Variants in NRP1 observed in about 807,000 individuals in gnomAD.
NRP1 encodes neuropilin 1, also known as neuropilin-1.
A neutral mutation model predicts 106.7 loss-of-function variants in NRP1; 35 were observed. That is an observed-to-expected ratio of 0.33 (90% CI 0.25 to 0.43). The LOEUF (loss-of-function observed/expected upper bound fraction) is 0.43, where lower values mean the gene tolerates loss of function less well. Ranked by LOEUF, NRP1 falls within the 20% of genes least tolerant of loss-of-function variation. The pLI is 1.00. For synonymous variants in NRP1, 437 were observed against 417.9 expected (o/e 1.05, Z -0.56); for missense variants, 1,024 against 1,170.4 (o/e 0.87, Z 1.83).
chr10:33,247,872 C>T lies in NRP1; in HGVS notation c.981+6156G>A, dbSNP rs142218641. ...ATTTCTCACAAGTTATATCTTTCTCCGGAGTCAGGACTTTGGTGAACCATT... is the reference window on the plus strand; with the variant it reads ...ATTTCTCACAAGTTATATCTTTCTCTGGAGTCAGGACTTTGGTGAACCATT... On this transcript the variant is annotated intron_variant, in intron 6 of 16. Coordinates refer to ENST00000374867, the MANE Select transcript of NRP1 (RefSeq NM_003873.7). Among the ~76,000 whole-genome samples, 835 of 152,308 alleles carry T rather than the reference C, an allele frequency of 5.5e-3. 7 individuals are homozygous for T. The highest frequency in any genetic ancestry group is 0.019 in the African/African-American group (792 of 41,560).
chr10:33,190,239 C>T (rs535110126), intron 13 of NRP1, among the ~76,000 whole-genome samples: 4 of 152,322 alleles, frequency 2.6e-5, no homozygotes, highest in Admixed American at 6.5e-5. Flanking sequence ...AGCTTTTAAC[C>T]TCCTTTGAAT....
intron 8 of NRP1, among the ~76,000 whole-genome samples, chr10:33,218,147 G>A (rs1441256182): frequency 6.6e-6 from 1 of 152,134 alleles, no homozygotes; most frequent in Non-Finnish European, 1.5e-5. Context: ...AGAGTTCAGA[G>A]TGTGTTAAGC....
chr10:33,291,523 T>G (rs894284485), intron 2 of NRP1, among the ~76,000 whole-genome samples: 1 of 152,226 alleles, frequency 6.6e-6, no homozygotes, highest in East Asian at 1.9e-4. Flanking sequence ...CAGACAACTA[T>G]GAACAACAGC....
At chr10:33,191,116 C>A (rs1836381866) in intron 13 of NRP1, among the ~76,000 whole-genome samples, 1 of 152,144 alleles carries the variant, frequency 6.6e-6, no homozygotes. Context: ...TTCTGGCCTC[C>A]CAAAGTGCTG....
intron 8 of NRP1, among the ~76,000 whole-genome samples, chr10:33,216,658 T>C (rs1838801218): frequency 6.6e-6 from 1 of 150,564 alleles, no homozygotes; most frequent in African/African-American, 2.4e-5. Context: ...CCCAGGCTGC[T>C]CTCAAACTAC....
intron 6 of NRP1, among the ~76,000 whole-genome samples, chr10:33,247,745 G>A (rs1267136683): frequency 6.6e-6 from 1 of 152,214 alleles, no homozygotes; most frequent in Non-Finnish European, 1.5e-5. Context: ...AGAGGCAAGT[G>A]GCAATGCACG....
At chr10:33,258,710 G>A (rs1038365214) in intron 4 of NRP1, among the ~76,000 whole-genome samples, 4 of 152,044 alleles carry the variant, frequency 2.6e-5, no homozygotes, top group Non-Finnish European at 5.9e-5. Flanking sequence ...CTATTTAATA[G>A]ATTTTCTTCA....
intron 6 of NRP1, among the ~76,000 whole-genome samples, chr10:33,227,570 AG>A: frequency 6.6e-6 from 1 of 152,294 alleles, no homozygotes; most frequent in African/African-American, 2.4e-5. Context: ...TGATGTCTCT[AG>A]GAAACAACTG....
intron 3 of NRP1, among the ~76,000 whole-genome samples, chr10:33,270,328 A>ATTTT (rs11457192): frequency 3.5e-5 from 5 of 143,012 alleles, no homozygotes; most frequent in Non-Finnish European, 4.5e-5. Context: ...TGTTAAATAA[A>ATTTT]TTTTTTTTTT....
In NRP1 at chr10:33,207,555, C is replaced by T. The variant is rs368245608; in HGVS notation, c.1759+17G>A. 13 of 1,613,504 alleles carry T rather than the reference C, an allele frequency of 8.1e-6. No individual in the cohort carries two copies. The African/African-American group carries it at 1.6e-4, about 20-fold the overall frequency. Reference sequence around the variant, plus strand: ...ATTTAAAAACGCATGAGAAGTAACTCTGGAGATCATAATTACCTTCCACTT... The same window carrying T: ...ATTTAAAAACGCATGAGAAGTAACTTTGGAGATCATAATTACCTTCCACTT... On this transcript the variant is annotated intron_variant, in intron 10 of 16. Transcript: ENST00000374867.
Position 33,247,710 on chromosome 10 carries a change from T to C in NRP1, c.981+6318A>G, listed in dbSNP as rs114988243. Among the ~76,000 whole-genome samples, 474 of 152,352 alleles carry C rather than the reference T, an allele frequency of 3.1e-3. 3 individuals are homozygous for C. Among genetic ancestry groups the C allele is most frequent in the African/African-American group, 0.011 (452 of 41,586 alleles). ...GCCAGAGAGCTTTGCAAGCCTCACC[T>C]GCACCCTGGCTGGGTGTCACATCCA... is the stretch of plus-strand genomic sequence containing the variant. On this transcript the variant is annotated intron_variant, in intron 6 of 16. Transcript: ENST00000374867.
chr10:33,182,602 A>G, intron 16 of NRP1, 96 bp downstream of exon 16: 1 of 820,718 alleles, frequency 1.2e-6, no homozygotes. Context: ...GAACTTTTTG[A>G]CATACCAGTG....
chr10:33,265,221 G>C (rs904137453), intron 3 of NRP1, among the ~76,000 whole-genome samples: 22 of 152,180 alleles, frequency 1.4e-4, no homozygotes, highest in Non-Finnish European at 3.1e-4. Context: ...CTGCTGCTAT[G>C]ATCTTCAAAT....
chr10:33,231,768 G>T (rs1470282566), intron 6 of NRP1, among the ~76,000 whole-genome samples: 1 of 152,184 alleles, frequency 6.6e-6, no homozygotes, highest in African/African-American at 2.4e-5. Flanking sequence ...AACTGGAGGT[G>T]AGGGGAGCTG....
At chr10:33,247,325 C>T (rs1841497768) in intron 6 of NRP1, among the ~76,000 whole-genome samples, 1 of 147,916 alleles carries the variant, frequency 6.8e-6, no homozygotes, top group South Asian at 2.2e-4. Context: ...AGTCCAGGCC[C>T]TTCACAGCTC....
intron 4 of NRP1, among the ~76,000 whole-genome samples, chr10:33,262,767 C>A (rs1448985280): frequency 1.3e-5 from 2 of 151,928 alleles, no homozygotes; most frequent in East Asian, 1.9e-4. Context: ...TATACCTCCC[C>A]ACTCCCAACT....
intron 10 of NRP1, among the ~76,000 whole-genome samples, chr10:33,206,871 G>A (rs977228884): frequency 1.3e-5 from 2 of 152,162 alleles, no homozygotes; most frequent in Non-Finnish European, 2.9e-5. Flanking sequence ...TCAGTGCGTG[G>A]ACTGAATTTG....
intron 2 of NRP1, among the ~76,000 whole-genome samples, chr10:33,301,769 G>T (rs1271988246): frequency 2.0e-5 from 3 of 152,104 alleles, no homozygotes; most frequent in Non-Finnish European, 4.4e-5. Flanking sequence ...GAGAAAAATT[G>T]TTCCTTTCAT....
chr10:33,279,826 G>A (rs964111709), intron 2 of NRP1, among the ~76,000 whole-genome samples: 12 of 152,166 alleles, frequency 7.9e-5, no homozygotes, highest in African/African-American at 2.2e-4. Context: ...AAGGGTAGTC[G>A]GGTCCAGGGT....
Sources: allele counts gnomAD v4.1 joint callset (sites outside exome capture counted in the v4.1 genomes callset), GRCh38; gene constraint gnomAD v4.1.1; transcripts MANE v1.5; gene names NCBI Gene and HGNC (gene_info 2026-07-23, HGNC 2026-07-21).